Variants in GTF3C3 observed in about 807,000 individuals in gnomAD.
GTF3C3 encodes general transcription factor IIIC subunit 3.
GTF3C3 carries 75 observed loss-of-function variants against 105.2 expected under a neutral mutation model. The observed-to-expected ratio is 0.71, with a 90% CI of 0.59 to 0.86. GTF3C3 has a LOEUF of 0.86. Ranked by LOEUF, GTF3C3 falls within the 40% of genes least tolerant of loss-of-function variation. The probability of loss-of-function intolerance (pLI) is 0.00; values close to 1 mark genes in which losing one functional copy is unlikely to be tolerated. For missense variants in GTF3C3, 856 were observed against 1,076.5 expected (o/e 0.80, Z 2.87); for synonymous variants, 335 against 370.4 (o/e 0.90, Z 1.10).
rs574084496 is a variant in GTF3C3, at chr2:196,791,601, T to A, written c.412-141A>T. 1.9e-5 allele frequency: 12 copies of A among 626,592 alleles called. No individual in the cohort carries two copies. In the Admixed American group the frequency reaches 3.3e-4, roughly 17 times the overall value. The allele number at this position is 626,592 out of a possible 1,614,324, so 38.8% of individuals were successfully genotyped here. On this transcript the variant is annotated intron_variant, in intron 3 of 17. Coordinates refer to ENST00000263956, the MANE Select transcript of GTF3C3 (RefSeq NM_012086.5). The stretch of plus-strand genomic sequence containing the variant: ...TCAGTTTTTGCAACCCAGAACTAAA[T>A]AGTTGCAATTCTAATTGACTCTTTA...
rs1018785379 is a variant in GTF3C3, at chr2:196,789,347, A to T, written c.750T>A (p.Asn250Lys). The T allele has an allele frequency of 6.3e-7, 1 of 1,599,840 alleles. No homozygotes were observed. Among genetic ancestry groups the T allele is most frequent in the Non-Finnish European group, 8.5e-7 (1 of 1,175,600 alleles). Reference sequence around the variant, plus strand: ...TTGATCGCTCCCACAGATAACGGACATTAGTAGGTTCATATTTAAGAGCTA... The same window carrying T: ...TTGATCGCTCCCACAGATAACGGACTTTAGTAGGTTCATATTTAAGAGCTA... ...YTKALKYEPT[N>K]VRYLWERSSL... is the part of the protein sequence containing the mutation. Residue 250 changes from asparagine to lysine, a missense_variant, in exon 6 of 18, where the codon AAT (asparagine) becomes AAA (lysine). Around this residue, in one of 3 missense-constraint regions of GTF3C3, gnomAD observed 605 missense variants for 833.6 expected, o/e 0.73. Transcript: ENST00000263956.
chr2:196,797,810 T>A lies in GTF3C3; in HGVS notation c.201A>T (p.Lys67Asn), dbSNP rs770162579. 1 of 1,579,992 alleles carries A rather than the reference T, an allele frequency of 6.3e-7. No individual in the cohort carries two copies. Among genetic ancestry groups the A allele is most frequent in the Non-Finnish European group, 8.7e-7 (1 of 1,149,030 alleles). ...ATTTTAACATACCTTCATTGACATC[T>A]TTGTCTTGGGATTTGGTAGAGTTAA... ...SGINSTKSQD[K>N]DVNEGETSDG... Residue 67 changes from lysine to asparagine, a missense_variant, in exon 2 of 18, where the codon AAA (lysine) becomes AAT (asparagine). Coordinates refer to ENST00000263956, the MANE Select transcript of GTF3C3 (RefSeq NM_012086.5).
At chr2:196,795,053 T>G (rs1699619469) in intron 2 of GTF3C3, among the ~76,000 whole-genome samples, 1 of 150,906 alleles carries the variant, frequency 6.6e-6, no homozygotes, top group African/African-American at 2.4e-5. Flanking sequence ...TTTTGTTTTG[T>G]TTTTTTTAGA....
intron 17 of GTF3C3, among the ~76,000 whole-genome samples, chr2:196,765,862 T>C (rs781333445): frequency 1.3e-5 from 2 of 151,436 alleles, no homozygotes; most frequent in African/African-American, 2.4e-5. Flanking sequence ...TACAAAAAAT[T>C]AGCTGGGCGT....
rs751555086 is a variant in GTF3C3 at position 196,785,555 on chromosome 2, A to G, written c.927T>C (p.Ala309=). ...SYYEANDVTS[A]INIIDEAFSK... is the part of the protein sequence containing the mutation. ...AGAAAGCTTCATCAATTATGTTAAT[A>G]GCAGAAGTAACATCATTGGCTTCAT... Residue 309 remains alanine, a synonymous_variant, in exon 7 of 18, where the codon GCT becomes GCC. Transcript: ENST00000263956. 1.2e-5 allele frequency: 20 copies of G among 1,608,216 alleles called. 1 individual carries two copies. The South Asian group carries it at 2.1e-4, about 17-fold the overall frequency.
rs1699574478 is a variant in GTF3C3 at position 196,792,826 on chromosome 2, A to T, written c.411+130T>A. 4 of 664,266 alleles carry T rather than the reference A, an allele frequency of 6.0e-6. No individual in the cohort carries two copies. In the South Asian group the frequency reaches 7.8e-5, roughly 13 times the overall value. 41.1% of individuals were successfully genotyped at this position (664,266 alleles called of 1,614,324 possible). A position where few individuals can be genotyped will look rare whatever the true frequency, so the allele number is the denominator to read the frequency against. On this transcript the variant is annotated intron_variant, in intron 3 of 17. Transcript: ENST00000263956. ...TATCTAATAGGAAACATAATAAACA[A>T]ATAACAATAGTTGTGTCATAGTATT... is the stretch of plus-strand genomic sequence containing the variant.
In GTF3C3 at chr2:196,792,982, T is replaced by A. The variant is rs1487206768; in HGVS notation, c.385A>T (p.Asn129Tyr). 6.2e-7 allele frequency: 1 copy of A among 1,613,052 alleles called. No individual in the cohort carries two copies. Among genetic ancestry groups the A allele is most frequent in the East Asian group, 2.2e-5 (1 of 44,896 alleles). Residue 129 changes from asparagine (N) to tyrosine (Y), a missense_variant, in exon 3 of 18, where the codon AAT becomes TAT. By Grantham distance (143) the Asn-to-Tyr change is moderately radical. This residue lies in a region of GTF3C3 where 605 missense variants were observed against 833.6 expected (regional missense o/e 0.73). Coordinates refer to ENST00000263956, the MANE Select transcript of GTF3C3 (RefSeq NM_012086.5). ...TTCATCATTTTCTTGGTTTCACGAT[T>A]GAGAACCATCTCCAATACAAATACA... is the stretch of plus-strand genomic sequence containing the variant. Reference protein sequence around the residue: ...GDVFVLEMVLNRETKKMMKEK... With the variant: ...GDVFVLEMVLYRETKKMMKEK...
chr2:196,791,484 T>C, intron 3 of GTF3C3, 24 bp from the exon 4 acceptor site: 1 of 1,591,094 alleles, frequency 6.3e-7, no homozygotes, highest in South Asian at 1.1e-5. Flanking sequence ...AAATGACATT[T>C]AGATTAAAAT....
In GTF3C3 at chr2:196,776,084, T is replaced by C. The variant is rs749256488; in HGVS notation, c.1621A>G (p.Thr541Ala). ...QELKLLLHRS[T>A]LLFSQGKMYG... The stretch of plus-strand genomic sequence containing the variant: ...ATTTTGCCTTGTGAAAACAACAGAG[T>C]AGAACGATGAAGCAATAACTTCAGT... Residue 541 changes from threonine to alanine, a missense_variant, in exon 12 of 18, where the codon ACT (threonine) becomes GCT (alanine). Thr to Ala is a moderately conservative substitution (Grantham distance 58). Around this residue, in one of 3 missense-constraint regions of GTF3C3, gnomAD observed 605 missense variants for 833.6 expected, o/e 0.73. Coordinates refer to ENST00000263956, the MANE Select transcript of GTF3C3 (RefSeq NM_012086.5). This position sits in a 1 kb window ranked among gnomAD's most constrained non-coding sequence, Gnocchi z 4.5. 1.3e-6 allele frequency: 2 copies of C among 1,589,588 alleles called. No individual in the cohort carries two copies. The highest frequency in any genetic ancestry group is 4.5e-5 in the East Asian group (2 of 44,366).
chr2:196,776,535 T>C lies in GTF3C3; in HGVS notation c.1485A>G (p.Ser495=). The C allele has an allele frequency of 1.9e-6, 3 of 1,614,158 alleles. No homozygotes were observed. Among genetic ancestry groups the C allele is most frequent in the Non-Finnish European group, 2.5e-6 (3 of 1,180,000 alleles). The change falls in exon 11 of 18, where the codon TCA becomes TCG. Residue 495 remains serine (S), a synonymous_variant. Coordinates refer to ENST00000263956, the MANE Select transcript of GTF3C3 (RefSeq NM_012086.5). The surrounding 1 kb of genome is among the most constrained non-coding windows in gnomAD (Gnocchi z 4.5). ...LAPLHLDARI[S]LSTLQQQLGQ... is the part of the protein sequence containing the mutation. The stretch of plus-strand genomic sequence containing the variant: ...CCAGCTGCTGCTGAAGGGTAGAAAG[T>C]GAAATCCTTGCATCCAAATGGAGTG...
At chr2:196,784,486 A>G (rs575880588) in intron 8 of GTF3C3, among the ~76,000 whole-genome samples, 1 of 152,162 alleles carries the variant, frequency 6.6e-6, no homozygotes, top group Non-Finnish European at 1.5e-5. Flanking sequence ...GCTTAAGCTT[A>G]AAGTCAAATG....
chr2:196,763,238 G>T lies in GTF3C3; in HGVS notation c.*1325C>A, dbSNP rs979292735. On this transcript the variant is annotated 3_prime_UTR_variant, in exon 18 of 18. Transcript: ENST00000263956. ...AAACAAAACTATACAATATCAGCTGGTTTTTTTTTCCCTTAGGGAGACTTA... is the reference window on the plus strand; with the variant it reads ...AAACAAAACTATACAATATCAGCTGTTTTTTTTTTCCCTTAGGGAGACTTA... 9 of 151,180 alleles carry T rather than the reference G, an allele frequency of 6.0e-5. No homozygotes were observed. Among genetic ancestry groups the T allele is most frequent in the African/African-American group, 1.5e-4 (6 of 41,106 alleles). The allele number at this position is 151,180 out of a possible 1,614,324, so 9.4% of individuals were successfully genotyped here.
chr2:196,772,108 G>C (rs1699185155), intron 14 of GTF3C3, among the ~76,000 whole-genome samples, 170 bp from the exon 15 acceptor site: 1 of 152,138 alleles, frequency 6.6e-6, no homozygotes, highest in South Asian at 2.1e-4. Flanking sequence ...CGCAATAAAA[G>C]ATTTTTCCCA....
At chr2:196,770,744 G>C (rs1032150082) in intron 15 of GTF3C3, among the ~76,000 whole-genome samples, 35 of 152,132 alleles carry the variant, frequency 2.3e-4, no homozygotes, top group African/African-American at 8.4e-4. Flanking sequence ...ATTTTGGAAG[G>C]AATGGCACCA....
At chr2:196,772,565 T>TATA (rs746463126) in intron 14 of GTF3C3, among the ~76,000 whole-genome samples, 1 of 150,864 alleles carries the variant, frequency 6.6e-6, no homozygotes, top group Non-Finnish European at 1.5e-5. Context: ...TAATAATAAT[T>TATA]ATAATAATAA....
At chr2:196,780,491 T>A in intron 9 of GTF3C3, 68 bp downstream of exon 9, 2 of 1,508,334 alleles carry the variant, frequency 1.3e-6, no homozygotes, top group Non-Finnish European at 1.8e-6. Context: ...TTATAATTTC[T>A]TGACATCTAA....
Position 196,764,545 on chromosome 2 carries a change from G to A in GTF3C3, c.*18C>T, listed in dbSNP as rs775518900. ...CTCACACAGCAGCTGCCATTGCTCTGTTCTCAGTTGCGGTGCTTTATATAG... is the reference window on the plus strand; with the variant it reads ...CTCACACAGCAGCTGCCATTGCTCTATTCTCAGTTGCGGTGCTTTATATAG... On this transcript the variant is annotated 3_prime_UTR_variant, in exon 18 of 18. Coordinates refer to ENST00000263956, the MANE Select transcript of GTF3C3 (RefSeq NM_012086.5). 1.9e-6 allele frequency: 3 copies of A among 1,611,040 alleles called. No homozygotes were observed. Among genetic ancestry groups the A allele is most frequent in the Admixed American group, 1.7e-5 (1 of 59,856 alleles).
intron 13 of GTF3C3, among the ~76,000 whole-genome samples, chr2:196,774,735 A>G (rs1309124368): frequency 6.6e-6 from 1 of 152,192 alleles, no homozygotes; most frequent in African/African-American, 2.4e-5. Context: ...AGTTTCTATG[A>G]CTATTGCTAC....
intron 16 of GTF3C3, among the ~76,000 whole-genome samples, chr2:196,768,494 TAAG>T (rs1699112289): frequency 6.6e-6 from 1 of 152,092 alleles, no homozygotes; most frequent in South Asian, 2.1e-4. Context: ...AATATAAAGG[TAAG>T]AAAGATAATA....
Sources: allele counts gnomAD v4.1 joint callset (sites outside exome capture counted in the v4.1 genomes callset), GRCh38; gene constraint gnomAD v4.1.1; regional missense constraint gnomAD v4.1.1; non-coding constraint Gnocchi (gnomAD v3.1); transcripts MANE v1.5; gene names NCBI Gene and HGNC (gene_info 2026-07-23, HGNC 2026-07-21).